The following MPP7 variants were observed in gnomAD, a reference collection of about 807,000 sequenced individuals.
MPP7 encodes MAGUK p55 scaffold protein 7.
In MPP7, 60 loss-of-function variants were observed where a neutral mutation model predicts 76.5. That is an observed-to-expected ratio of 0.78 (90% CI 0.64 to 0.97). The LOEUF is 0.97. Ranked by LOEUF, MPP7 falls within the 50% of genes least tolerant of loss-of-function variation. The pLI, the probability that MPP7 is intolerant of heterozygous loss-of-function variation, is 0.00. For missense variants in MPP7, 641 were observed against 694.0 expected (o/e 0.92, Z 0.86); for synonymous variants, 237 against 244.5 (o/e 0.97, Z 0.29).
intron 11 of MPP7, among the ~76,000 whole-genome samples, chr10:28,107,261 C>T (rs1405232158): frequency 2.6e-5 from 4 of 152,152 alleles, no homozygotes; most frequent in Non-Finnish European, 4.4e-5. Context: ...GCTCTAATGG[C>T]CTCTCTTGTG....
At chr10:28,268,463 G>A (rs1394544068) in intron 1 of MPP7, among the ~76,000 whole-genome samples, 1 of 152,118 alleles carries the variant, frequency 6.6e-6, no homozygotes, top group Non-Finnish European at 1.5e-5. Flanking sequence ...CAGGCGCGGT[G>A]GCTCATGCCT....
chr10:28,180,792 G>A (rs78324374), intron 3 of MPP7, among the ~76,000 whole-genome samples: 1 of 152,168 alleles, frequency 6.6e-6, no homozygotes, highest in Non-Finnish European at 1.5e-5. Context: ...AGTCAGCAAT[G>A]GGGGCTGGAG....
intron 11 of MPP7, among the ~76,000 whole-genome samples, chr10:28,104,395 C>T (rs186340500): frequency 1.8e-3 from 272 of 152,226 alleles, no homozygotes; most frequent in African/African-American, 5.6e-3. Flanking sequence ...CATTTTAACA[C>T]GTTTTTTAAA....
rs138598758 is a variant in MPP7 at position 28,284,432 on chromosome 10, C to T, written c.-132+18429G>A. Among the ~76,000 whole-genome samples the T allele has an allele frequency of 8.5e-5, 13 of 152,288 alleles. No homozygotes were observed. In the East Asian group the frequency reaches 2.5e-3, roughly 29 times the overall value. The stretch of plus-strand genomic sequence containing the variant: ...TGAAGCAGGAGGACCTGTTTCAAGT[C>T]ACAGGCAGCATTAGCAGGAAGAAGC... On this transcript the variant is annotated intron_variant, in intron 1 of 16. Coordinates refer to ENST00000683449, the MANE Select transcript of MPP7 (RefSeq NM_001318170.2).
At chr10:28,212,809 G>A (rs2134025843) in intron 2 of MPP7, among the ~76,000 whole-genome samples, 1 of 152,332 alleles carries the variant, frequency 6.6e-6, no homozygotes, top group Admixed American at 6.5e-5. Context: ...TGAGAACTAA[G>A]CGTTGGATTT....
At chr10:28,288,721 G>T (rs574022767) in intron 1 of MPP7, among the ~76,000 whole-genome samples, 1 of 152,170 alleles carries the variant, frequency 6.6e-6, no homozygotes, top group African/African-American at 2.4e-5. Context: ...AGGATATGGA[G>T]CTGAGGTCAA....
intron 1 of MPP7, among the ~76,000 whole-genome samples, chr10:28,269,341 A>C (rs1056351686): frequency 6.6e-6 from 1 of 152,134 alleles, no homozygotes; most frequent in African/African-American, 2.4e-5. Flanking sequence ...TTTTAACTCA[A>C]TTCTCTTCTA....
chr10:28,210,197 C>T (rs1003846564), intron 2 of MPP7, among the ~76,000 whole-genome samples: 1 of 152,196 alleles, frequency 6.6e-6, no homozygotes, highest in African/African-American at 2.4e-5. Flanking sequence ...GATCACTGGA[C>T]TTCTCGACCT....
intron 6 of MPP7, among the ~76,000 whole-genome samples, chr10:28,127,967 G>A (rs1386926301): frequency 1.3e-5 from 2 of 152,214 alleles, no homozygotes; most frequent in African/African-American, 4.8e-5. Context: ...GGAAGGCTGT[G>A]AATAAAATGC....
intron 5 of MPP7, among the ~76,000 whole-genome samples, chr10:28,141,677 A>C (rs1416640854): frequency 5.3e-5 from 8 of 152,174 alleles, no homozygotes; most frequent in Admixed American, 5.2e-4. Context: ...ACTTAGCAGG[A>C]AATAGTCCAG....
chr10:28,086,754 T>C (rs1476271661), intron 12 of MPP7, among the ~76,000 whole-genome samples: 1 of 152,146 alleles, frequency 6.6e-6, no homozygotes, highest in African/African-American at 2.4e-5. Context: ...CCAAGTTGTG[T>C]CAGAGGAGTT....
intron 1 of MPP7, among the ~76,000 whole-genome samples, chr10:28,259,426 A>T (rs1380934762): frequency 6.6e-6 from 1 of 151,978 alleles, no homozygotes; most frequent in Non-Finnish European, 1.5e-5. Flanking sequence ...TAAAAATACA[A>T]AAAATTAGCC....
chr10:28,124,294 AACC>A (rs1195165773), intron 7 of MPP7, among the ~76,000 whole-genome samples, 178 bp from the exon 8 acceptor site: 2 of 152,138 alleles, frequency 1.3e-5, no homozygotes, highest in Non-Finnish European at 2.9e-5. Flanking sequence ...GTGACTCAAA[AACC>A]ACAACATAGT....
chr10:28,127,270 C>A (rs1486774220), intron 6 of MPP7, among the ~76,000 whole-genome samples: 1 of 152,160 alleles, frequency 6.6e-6, no homozygotes, highest in Non-Finnish European at 1.5e-5. Context: ...GTGCAAGGCA[C>A]CGTTCTAAGG....
intron 1 of MPP7, among the ~76,000 whole-genome samples, chr10:28,290,040 A>T (rs190701590): frequency 3.2e-4 from 49 of 152,296 alleles, no homozygotes; most frequent in Admixed American, 3.3e-4. Flanking sequence ...GTTGGTCTCA[A>T]ACTCCTGAGT....
At position 28,283,752 on chromosome 10, in the gene MPP7, T is replaced by G. The variant is rs575616383; in HGVS notation, c.-132+19109A>C. Among the ~76,000 whole-genome samples the G allele has an allele frequency of 3.3e-3, 495 of 152,028 alleles. 3 individuals are homozygous for G. The highest frequency in any genetic ancestry group is 0.011 in the African/African-American group (462 of 41,314). ...CTGGTCTCAAACTCCTGACCTCAAG[T>G]GATTCACCCACCTCGGCCTCCCAAA... On this transcript the variant is annotated intron_variant, in intron 1 of 16. Coordinates refer to ENST00000683449, the MANE Select transcript of MPP7 (RefSeq NM_001318170.2).
At chr10:28,271,069 T>C (rs539990869) in intron 1 of MPP7, among the ~76,000 whole-genome samples, 2 of 152,320 alleles carry the variant, frequency 1.3e-5, no homozygotes, top group South Asian at 2.1e-4. Context: ...AAGAATTATA[T>C]CAATCAAAAT....
chr10:28,193,656 C>T (rs1192027759), intron 3 of MPP7, among the ~76,000 whole-genome samples: 2 of 151,926 alleles, frequency 1.3e-5, no homozygotes, highest in Non-Finnish European at 2.9e-5. Flanking sequence ...AAAATATTTG[C>T]AAATACATAT....
At chr10:28,093,283 C>T (rs1374596551) in intron 11 of MPP7, among the ~76,000 whole-genome samples, 1 of 152,064 alleles carries the variant, frequency 6.6e-6, no homozygotes, top group Non-Finnish European at 1.5e-5. Context: ...ACTTTTGGCA[C>T]AGGAATGGAT....
Sources: gnomAD v4.1 joint callset for allele counts (sites outside exome capture counted in the v4.1 genomes callset) on GRCh38, gnomAD v4.1.1 for gene constraint, MANE v1.5 for transcripts, NCBI Gene and HGNC (gene_info 2026-07-23, HGNC 2026-07-21) for gene names.